Variants in AAK1 observed in about 807,000 individuals in gnomAD.
AAK1 encodes AP2 associated kinase 1, also known as AP2-associated protein kinase 1.
In AAK1, 37 loss-of-function variants were observed where a neutral mutation model predicts 116.0. That is an observed-to-expected ratio of 0.32 (90% CI 0.25 to 0.42). AAK1 has a LOEUF of 0.42. AAK1 is among the 10% of genes least tolerant of loss of function. AAK1 has a pLI of 1.00. For missense variants in AAK1, 919 were observed against 1,170.6 expected (o/e 0.79, Z 3.14); for synonymous variants, 458 against 439.9 (o/e 1.04, Z -0.51).
Position 69,482,784 on chromosome 2 carries a change from A to C in AAK1, c.2394T>G (p.Pro798=). The C allele has an allele frequency of 6.2e-7, 1 of 1,613,626 alleles. No homozygotes were observed. The stretch of plus-strand genomic sequence containing the variant: ...GGTCAGGGAGCAGAAGAGAAGTGTC[A>C]GGAGATTTGAGTCCCTCAATTAGTT... ...PEKLIEGLKS[P]DTSLLLPDLL... The change falls in exon 18 of 22, where the codon CCT becomes CCG. Residue 798 remains proline (P), a synonymous_variant. Transcript: ENST00000409085.
intron 2 of AAK1, among the ~76,000 whole-genome samples, chr2:69,627,197 G>C (rs537202493): frequency 6.6e-6 from 1 of 151,882 alleles, no homozygotes; most frequent in Admixed American, 6.6e-5. Flanking sequence ...GCTGAGGCAG[G>C]AGAATCGCTT....
Position 69,462,293 on chromosome 2 carries a change from C to T in AAK1, c.*13576G>A, listed in dbSNP as rs1674359964. On this transcript the variant is annotated 3_prime_UTR_variant, in exon 22 of 22. Transcript: ENST00000409085. ...AAATGACGAGTTAGTGGGTGCAGCA[C>T]ACGAGCATGGCACATGTATACATAT... 6.6e-6 allele frequency: 1 copy of T among 150,724 alleles called. No individual in the cohort carries two copies. The highest frequency in any genetic ancestry group is 1.5e-5 in the Non-Finnish European group (1 of 67,796). The allele number at this position is 150,724 out of a possible 1,614,324, so 9.3% of individuals were successfully genotyped here.
At chr2:69,624,643 T>C (rs1015082706) in intron 2 of AAK1, among the ~76,000 whole-genome samples, 6 of 152,258 alleles carry the variant, frequency 3.9e-5, no homozygotes, top group African/African-American at 1.4e-4. Flanking sequence ...GATTGCTTTC[T>C]TCCATATCAA....
At chr2:69,610,132 A>C (rs1674014403) in intron 2 of AAK1, among the ~76,000 whole-genome samples, 1 of 152,090 alleles carries the variant, frequency 6.6e-6, no homozygotes, top group African/African-American at 2.4e-5. Context: ...TCATCAAAAC[A>C]GTGTGGTACT....
At position 69,604,529 on chromosome 2, in the gene AAK1, T is replaced by C. The variant is rs539453422; in HGVS notation, c.163+38349A>G. Reference sequence around the variant, plus strand: ...CCTTCTTGCCCCACCATAGTATCAGTGGACAAAATCCACAAGCTCGCAAGG... The same window carrying C: ...CCTTCTTGCCCCACCATAGTATCAGCGGACAAAATCCACAAGCTCGCAAGG... On this transcript the variant is annotated intron_variant, in intron 2 of 21. Transcript: ENST00000409085. 2.6e-5 allele frequency among the ~76,000 whole-genome samples: 4 copies of C among 152,296 alleles called. No homozygotes were observed. The South Asian group carries it at 6.2e-4, about 24-fold the overall frequency.
Position 69,591,517 on chromosome 2 carries a change from C to CTTTTTT in AAK1, c.164-34540_164-34539insAAAAAA, listed in dbSNP as rs200675453. Among the ~76,000 whole-genome samples the CTTTTTT allele has an allele frequency of 6.7e-5, 9 of 135,096 alleles. 1 individual carries two copies. Among genetic ancestry groups the CTTTTTT allele is most frequent in the East Asian group, 2.5e-4 (1 of 3,976 alleles). 88.6% of individuals were successfully genotyped at this position (135,096 alleles called of 152,430 possible). On this transcript the variant is annotated intron_variant, in intron 2 of 21. Transcript: ENST00000409085. The stretch of plus-strand genomic sequence containing the variant: ...TTCTATAATTTTTTTTTCTTTTTTT[C>CTTTTTT]TTTTTCTTTTTTTTTTTTTTTGAGA...
intron 17 of AAK1, among the ~76,000 whole-genome samples, chr2:69,487,350 A>G (rs1558901435): frequency 6.6e-6 from 1 of 152,214 alleles, no homozygotes. Context: ...CTTACAGTTT[A>G]ATAGAAACAC....
intron 2 of AAK1, among the ~76,000 whole-genome samples, chr2:69,564,936 C>A (rs543630855): frequency 2.0e-5 from 3 of 152,308 alleles, no homozygotes; most frequent in Admixed American, 2.0e-4. Flanking sequence ...CCTTCCACCC[C>A]CACCTCCCTG....
chr2:69,478,586 G>A (rs946061313), intron 20 of AAK1: 4 of 230,772 alleles, frequency 1.7e-5, no homozygotes, highest in African/African-American at 9.5e-5. Flanking sequence ...CCGAGAAGCT[G>A]GTACCACCGG....
chr2:69,642,781 C>G, intron 2 of AAK1, 97 bp downstream of exon 2: 1 of 1,532,914 alleles, frequency 6.5e-7, no homozygotes, highest in Non-Finnish European at 8.9e-7. Context: ...GGAGGGTCAA[C>G]TGGTCAAAGC....
chr2:69,478,605 G>T (rs1674958275), intron 20 of AAK1: 2 of 251,488 alleles, frequency 8.0e-6, no homozygotes, highest in South Asian at 9.0e-5. Context: ...GGTGCATGCT[G>T]CCATGGCTGG....
chr2:69,601,825 T>G (rs1673593113), intron 2 of AAK1, among the ~76,000 whole-genome samples: 1 of 152,214 alleles, frequency 6.6e-6, no homozygotes, highest in African/African-American at 2.4e-5. Flanking sequence ...AAATGAAAGT[T>G]TGATAAGGAA....
At chr2:69,515,974 G>C (rs1204493606) in intron 12 of AAK1, among the ~76,000 whole-genome samples, 3 of 152,160 alleles carry the variant, frequency 2.0e-5, no homozygotes, top group African/African-American at 7.2e-5. Flanking sequence ...ATACTCTCAA[G>C]TTGTAAATAA....
intron 21 of AAK1, 123 bp from the exon 22 acceptor site, chr2:69,476,086 C>T: frequency 1.4e-6 from 2 of 1,463,406 alleles, no homozygotes; most frequent in Non-Finnish European, 1.8e-6. Context: ...ACCAAAAAAA[C>T]CAAACCCTAG....
rs371562250 is a variant in AAK1, at chr2:69,626,945, C to T, written c.163+15933G>A. ...TACTGAGCTCTGCAGATGTGCCAGG[C>T]ACTCACTATTCTAGACACTGGGGAT... On this transcript the variant is annotated intron_variant, in intron 2 of 21. Coordinates refer to ENST00000409085, the MANE Select transcript of AAK1 (RefSeq NM_014911.5). Among the ~76,000 whole-genome samples the T allele has an allele frequency of 1.8e-4, 28 of 152,242 alleles. No individual in the cohort carries two copies. In the South Asian group the frequency reaches 5.6e-3, roughly 30 times the overall value.
Position 69,470,349 on chromosome 2 carries a change from G to C in AAK1, c.*5520C>G. On this transcript the variant is annotated 3_prime_UTR_variant, in exon 22 of 22. Coordinates refer to ENST00000409085, the MANE Select transcript of AAK1 (RefSeq NM_014911.5). ...GCAGCAATTGAAACGTAAAATTTTAGAACCAAACTGGGGAAATCAAGAGAC... is the reference window on the plus strand; with the variant it reads ...GCAGCAATTGAAACGTAAAATTTTACAACCAAACTGGGGAAATCAAGAGAC... 1.0e-6 allele frequency: 1 copy of C among 985,400 alleles called. No individual in the cohort carries two copies. The highest frequency in any genetic ancestry group is 1.2e-6 in the Non-Finnish European group (1 of 829,922). The allele number at this position is 985,400 out of a possible 1,614,324, so 61.0% of individuals were successfully genotyped here. A position where few individuals can be genotyped will look rare whatever the true frequency, so the allele number is the denominator to read the frequency against.
Position 69,471,794 on chromosome 2 carries a change from C to T in AAK1, c.*4075G>A. ...CCCAAAGATCCCTTCATTCCCACAG[C>T]ACTGCTGAAGGCAGAACTGTTCCTA... is the stretch of plus-strand genomic sequence containing the variant. On this transcript the variant is annotated 3_prime_UTR_variant, in exon 22 of 22. Transcript: ENST00000409085. 1 of 985,478 alleles carries T rather than the reference C, an allele frequency of 1.0e-6. No homozygotes were observed. Among genetic ancestry groups the T allele is most frequent in the African/African-American group, 1.7e-5 (1 of 57,368 alleles). 61.0% of individuals were successfully genotyped at this position (985,478 alleles called of 1,614,324 possible).
intron 3 of AAK1, among the ~76,000 whole-genome samples, chr2:69,552,597 G>A (rs1341658063): frequency 1.3e-5 from 2 of 152,078 alleles, no homozygotes; most frequent in Non-Finnish European, 2.9e-5. Context: ...TGTACTCCCA[G>A]CTACTCGGGA....
chr2:69,627,197 G>A (rs537202493), intron 2 of AAK1, among the ~76,000 whole-genome samples: 1 of 151,764 alleles, frequency 6.6e-6, no homozygotes, highest in African/African-American at 2.4e-5. Context: ...GCTGAGGCAG[G>A]AGAATCGCTT....
Sources: allele counts gnomAD v4.1 joint callset (sites outside exome capture counted in the v4.1 genomes callset), GRCh38; gene constraint gnomAD v4.1.1; transcripts MANE v1.5; gene names NCBI Gene and HGNC (gene_info 2026-07-23, HGNC 2026-07-21).